Variants in ITGAL observed in about 807,000 individuals in gnomAD.
ITGAL encodes integrin alpha-L.
A neutral mutation model predicts 138.4 loss-of-function variants in ITGAL; 68 were observed. The ratio of observed to expected loss-of-function variants is 0.49; its 90% CI spans 0.40 to 0.60. The LOEUF (loss-of-function observed/expected upper bound fraction) is 0.60. Among genes scored for constraint, ITGAL ranks in the 20% least tolerant of loss-of-function variants. ITGAL has a pLI of 0.00. For missense variants in ITGAL, 1,256 were observed against 1,478.6 expected (o/e 0.85, Z 2.47); for synonymous variants, 561 against 584.3 (o/e 0.96, Z 0.57).
Position 30,475,577 on chromosome 16 carries a change from T to C in ITGAL, c.324T>C (p.Ile108=). ...CAACAGACCCCACAGATGGAAGCAT[T>C]TTGGTAAGAATTTTGTGCAGTGGTG... ...TLATDPTDGS[I]LACDPGLSRT... is the part of the protein sequence containing the mutation. The change falls in exon 4 of 31, where the codon ATT becomes ATC. Residue 108 remains isoleucine, a synonymous_variant. Transcript: ENST00000356798. 1 of 1,612,748 alleles carries C rather than the reference T, an allele frequency of 6.2e-7. No individual in the cohort carries two copies. The highest frequency in any genetic ancestry group is 8.5e-7 in the Non-Finnish European group (1 of 1,178,860).
chr16:30,479,122 A>G lies in ITGAL; in HGVS notation c.359A>G (p.Asp120Gly), dbSNP rs1374396964. The G allele has an allele frequency of 2.5e-6, 4 of 1,614,006 alleles. No homozygotes were observed. Among genetic ancestry groups the G allele is most frequent in the Non-Finnish European group, 3.4e-6 (4 of 1,180,036 alleles). ...ACDPGLSRTC[D>G]QNTYLSGLCY... is the part of the protein sequence containing the mutation. Reference sequence around the variant, plus strand: ...GACCCTGGGCTGTCTCGAACGTGTGACCAGAACACCTATCTGAGTGGCCTG... The same window carrying G: ...GACCCTGGGCTGTCTCGAACGTGTGGCCAGAACACCTATCTGAGTGGCCTG... The change falls in exon 5 of 31, where the codon GAC becomes GGC. Residue 120 changes from aspartate to glycine, a missense_variant. Transcript: ENST00000356798.
intron 21 of ITGAL, among the ~76,000 whole-genome samples, chr16:30,508,880 A>AC (rs2051046438): frequency 6.6e-6 from 1 of 151,512 alleles, no homozygotes; most frequent in South Asian, 2.1e-4. Context: ...AAAACAAAAA[A>AC]CAAAAAAAAA....
At chr16:30,489,851 G>T (rs1319018954) in intron 11 of ITGAL, among the ~76,000 whole-genome samples, 38 of 152,086 alleles carry the variant, frequency 2.5e-4, no homozygotes, top group Admixed American at 2.5e-3. Flanking sequence ...CAGGAGAAAC[G>T]TTTGAACCTG....
chr16:30,484,147 A>T lies in ITGAL; in HGVS notation c.890A>T (p.Glu297Val). 1 of 1,614,134 alleles carries T rather than the reference A, an allele frequency of 6.2e-7. No individual in the cohort carries two copies. The highest frequency in any genetic ancestry group is 8.5e-7 in the Non-Finnish European group (1 of 1,180,000). ...GKHFQTKESQETLHKFASKPA... is the reference protein window; with the variant it reads ...GKHFQTKESQVTLHKFASKPA... Reference sequence around the variant, plus strand: ...CATTTTCAGACCAAGGAGAGTCAGGAGACCCTCCACAAATTTGCATCAAAA... The same window carrying T: ...CATTTTCAGACCAAGGAGAGTCAGGTGACCCTCCACAAATTTGCATCAAAA... Residue 297 changes from glutamate (E) to valine (V), a missense_variant, in exon 9 of 31, where the codon GAG becomes GTG. Coordinates refer to ENST00000356798, the MANE Select transcript of ITGAL (RefSeq NM_002209.3).
In ITGAL at chr16:30,521,803, A is replaced by C. The variant is rs551617529; in HGVS notation, c.*138A>C. 890 of 786,930 alleles carry C rather than the reference A, an allele frequency of 1.1e-3. 1 individual carries two copies. Among genetic ancestry groups the C allele is most frequent in the Non-Finnish European group, 1.5e-3 (768 of 507,066 alleles). 48.7% of individuals were successfully genotyped at this position (786,930 alleles called of 1,614,324 possible). ...GGCCCTCAGTTTCCCTATCTCGAAC[A>C]TGGAACTCATTCCTGCCTGTCTCCT... On this transcript the variant is annotated 3_prime_UTR_variant, in exon 31 of 31. Transcript: ENST00000356798.
chr16:30,485,981 C>G (rs1350777007), intron 9 of ITGAL, among the ~76,000 whole-genome samples: 2 of 152,140 alleles, frequency 1.3e-5, no homozygotes, highest in Non-Finnish European at 2.9e-5. Context: ...TGTCACTTAT[C>G]CAAGGCTCCA....
At chr16:30,515,935 G>A (rs2051160287) in intron 25 of ITGAL, among the ~76,000 whole-genome samples, 1 of 150,980 alleles carries the variant, frequency 6.6e-6, no homozygotes, top group Non-Finnish European at 1.5e-5. Context: ...TCGTGCCATC[G>A]CACTCCAGCC....
At chr16:30,508,023 C>T (rs1406720536) in intron 21 of ITGAL, among the ~76,000 whole-genome samples, 1 of 151,728 alleles carries the variant, frequency 6.6e-6, no homozygotes, top group Non-Finnish European at 1.5e-5. Flanking sequence ...ATTCTCCTGC[C>T]TCAGCCTCCC....
At chr16:30,478,712 A>AAAAAG (rs2050509685) in intron 4 of ITGAL, among the ~76,000 whole-genome samples, 5 of 151,554 alleles carry the variant, frequency 3.3e-5, no homozygotes, top group Admixed American at 1.3e-4. Context: ...AAAAAAAAAA[A>AAAAAG]AAAGAAAGAA....
chr16:30,474,856 T>C (rs1290331860), intron 2 of ITGAL, among the ~76,000 whole-genome samples: 1 of 128,906 alleles, frequency 7.8e-6, no homozygotes, highest in African/African-American at 2.6e-5. Context: ...CTTTTTTTTT[T>C]TTTCTTTTTT....
At chr16:30,507,593 T>G (rs2051023164) in intron 21 of ITGAL, among the ~76,000 whole-genome samples, 1 of 151,184 alleles carries the variant, frequency 6.6e-6, no homozygotes, top group Non-Finnish European at 1.5e-5. Flanking sequence ...GAGGCTACTG[T>G]GAGTCAAGAT....
Position 30,474,151 on chromosome 16 carries a change from G to C in ITGAL, c.62-45G>C. Reference sequence around the variant, plus strand: ...CGGCCACCTGCTGGGCACGTGCAGGGGCGGGGGTCCCTCGGTCGCAGCTGA... The same window carrying C: ...CGGCCACCTGCTGGGCACGTGCAGGCGCGGGGGTCCCTCGGTCGCAGCTGA... On this transcript the variant is annotated intron_variant, in intron 1 of 30. Transcript: ENST00000356798. 2.8e-6 allele frequency: 4 copies of C among 1,425,394 alleles called. No homozygotes were observed. The South Asian group carries it at 4.9e-5, about 17-fold the overall frequency. 88.3% of individuals were successfully genotyped at this position (1,425,394 alleles called of 1,614,324 possible). A position where few individuals can be genotyped will look rare whatever the true frequency, so the allele number is the denominator to read the frequency against.
rs1025722287 is a variant in ITGAL, at chr16:30,522,900, T to C, written c.*1235T>C. ...AGGTGGAGGTTGCAGTGAGCCAAGATTGCGCCATTGCACTCCAGCCTGGGC... is the reference window on the plus strand; with the variant it reads ...AGGTGGAGGTTGCAGTGAGCCAAGACTGCGCCATTGCACTCCAGCCTGGGC... On this transcript the variant is annotated 3_prime_UTR_variant, in exon 31 of 31. Transcript: ENST00000356798. This position sits in a 1 kb window ranked among gnomAD's most constrained non-coding sequence, Gnocchi z 4.0. The C allele has an allele frequency of 2.0e-5, 3 of 152,424 alleles. No homozygotes were observed. Among genetic ancestry groups the C allele is most frequent in the African/African-American group, 4.8e-5 (2 of 41,456 alleles). The allele number at this position is 152,424 out of a possible 1,614,324, so 9.4% of individuals were successfully genotyped here. A position where few individuals can be genotyped will look rare whatever the true frequency, so the allele number is the denominator to read the frequency against.
At chr16:30,474,509 G>A in intron 2 of ITGAL, 2 of 567,134 alleles carry the variant, frequency 3.5e-6, no homozygotes, top group South Asian at 4.0e-5. Flanking sequence ...GGCCATGGAA[G>A]TGCAGAACAG....
In ITGAL at chr16:30,497,321, T is replaced by C. The variant is rs188129293; in HGVS notation, c.1832+755T>C. Among the ~76,000 whole-genome samples, 891 of 149,532 alleles carry C rather than the reference T, an allele frequency of 6.0e-3. 7 individuals are homozygous for C. The highest frequency in any genetic ancestry group is 0.038 in the East Asian group (187 of 4,942). Reference sequence around the variant, plus strand: ...TCGCGCCCCTGCACTCCAGCCTGGGTGACAGAGTGAGACTCCGCCTCAAAA... The same window carrying C: ...TCGCGCCCCTGCACTCCAGCCTGGGCGACAGAGTGAGACTCCGCCTCAAAA... On this transcript the variant is annotated intron_variant, in intron 15 of 30. Transcript: ENST00000356798.
In ITGAL at chr16:30,517,029, T is replaced by C. The variant is rs2051176839; in HGVS notation, c.2919T>C (p.Val973=). ...ACATACCCACCCTGGAGGCTGTGGT[T>C]GGGGTGCCACAGCCTCCCAGCGAGG... ...DHNIPTLEAV[V]GVPQPPSEGP... Residue 973 remains valine (V), a synonymous_variant, in exon 26 of 31, where the codon GTT becomes GTC. Coordinates refer to ENST00000356798, the MANE Select transcript of ITGAL (RefSeq NM_002209.3). 4.3e-6 allele frequency: 7 copies of C among 1,613,460 alleles called. No individual in the cohort carries two copies. The African/African-American group carries it at 6.7e-5, about 15-fold the overall frequency.
At chr16:30,510,056 T>G (rs866895177) in intron 21 of ITGAL, among the ~76,000 whole-genome samples, 5 of 151,832 alleles carry the variant, frequency 3.3e-5, no homozygotes, top group Non-Finnish European at 5.9e-5. Context: ...AAAAAAAATT[T>G]TTTTTAATAG....
chr16:30,513,682 C>A (rs2151204211), intron 24 of ITGAL, 89 bp from the exon 25 acceptor site: 1 of 920,340 alleles, frequency 1.1e-6, no homozygotes, highest in Non-Finnish European at 1.8e-6. Context: ...CTGTGCCGTT[C>A]CTAGCACAGT....
chr16:30,484,533 A>G (rs1008534937), intron 9 of ITGAL, among the ~76,000 whole-genome samples: 4 of 152,030 alleles, frequency 2.6e-5, no homozygotes, highest in African/African-American at 9.7e-5. Context: ...GCTTGAACTC[A>G]GGAGGCAGAG....
Sources: allele counts gnomAD v4.1 joint callset (sites outside exome capture counted in the v4.1 genomes callset), GRCh38; gene constraint gnomAD v4.1.1; non-coding constraint Gnocchi (gnomAD v3.1); transcripts MANE v1.5; gene names NCBI Gene and HGNC (gene_info 2026-07-23, HGNC 2026-07-21).